SPIRE1: variants seen among roughly 807,000 people sequenced by gnomAD.
The protein encoded by SPIRE1 is spire type actin nucleation factor 1.
SPIRE1 carries 40 observed loss-of-function variants against 94.1 expected under a neutral mutation model. The observed-to-expected ratio is 0.43, with a 90% CI of 0.33 to 0.55. The LOEUF (loss-of-function observed/expected upper bound fraction) is 0.55. SPIRE1 is among the 20% of genes least tolerant of loss of function. The pLI is 0.06. For missense variants in SPIRE1, 838 were observed against 975.2 expected, an observed-to-expected ratio of 0.86 and a Z score of 1.87; for synonymous variants, 376 against 371.7, an observed-to-expected ratio of 1.01 and a Z score of -0.13.
intron 1 of SPIRE1, among the ~76,000 whole-genome samples, chr18:12,656,920 G>A (rs1345379894): frequency 6.6e-6 from 1 of 152,184 alleles, no homozygotes; most frequent in African/African-American, 2.4e-5. Flanking sequence ...ACGTCCAGGA[G>A]CCAAAAATCA....
At chr18:12,634,763 C>T (rs1235375991) in intron 2 of SPIRE1, among the ~76,000 whole-genome samples, 7 of 151,878 alleles carry the variant, frequency 4.6e-5, no homozygotes, top group African/African-American at 1.5e-4. Flanking sequence ...GGTGAAACCC[C>T]GTCTCTACTA....
In SPIRE1 at chr18:12,657,719, T is replaced by G; in HGVS notation, c.148A>C (p.Asn50His). ...LSLEEILRLY[N>H]QPINEEQAWA... ...GCCTGCTCCTCGTTGATGGGCTGGT[T>G]GTACAGCCGCAGGATCTCCTCCAGG... The change falls in exon 1 of 17, where the codon AAC (asparagine) becomes CAC (histidine). Residue 50 changes from asparagine to histidine, a missense_variant. Asn to His is a moderately conservative substitution (Grantham distance 68). Coordinates refer to ENST00000409402, the MANE Select transcript of SPIRE1 (RefSeq NM_001128626.2). 6 of 1,405,130 alleles carry G rather than the reference T, an allele frequency of 4.3e-6. No individual in the cohort carries two copies. The highest frequency in any genetic ancestry group is 5.6e-6 in the Non-Finnish European group (6 of 1,071,774). The allele number at this position is 1,405,130 out of a possible 1,614,324, so 87.0% of individuals were successfully genotyped here. A position where few individuals can be genotyped will look rare whatever the true frequency, so the allele number is the denominator to read the frequency against.
Position 12,633,493 on chromosome 18 carries a change from TTGAACC to T in SPIRE1, c.372+1563_372+1568del, listed in dbSNP as rs538315959. 1.8e-3 allele frequency among the ~76,000 whole-genome samples: 274 copies of T among 151,892 alleles called. 1 individual carries two copies. Among genetic ancestry groups the T allele is most frequent in the African/African-American group, 6.4e-3 (265 of 41,428 alleles). Reference sequence around the variant, plus strand: ...CGGGAAGCTGAGGCAGGAGAATCACTTGAACCTGGGAGGTGGAGGTTGCAGTGAGCC... The same window carrying T: ...CGGGAAGCTGAGGCAGGAGAATCACTTGGGAGGTGGAGGTTGCAGTGAGCC... On this transcript the variant is annotated intron_variant, in intron 2 of 16. Coordinates refer to ENST00000409402, the MANE Select transcript of SPIRE1 (RefSeq NM_001128626.2).
At chr18:12,490,939 C>A (rs2033211547) in intron 8 of SPIRE1, among the ~76,000 whole-genome samples, 1 of 151,438 alleles carries the variant, frequency 6.6e-6, no homozygotes. Context: ...AGCAGTTAGG[C>A]AAAAAAAGAA....
intron 2 of SPIRE1, among the ~76,000 whole-genome samples, chr18:12,555,826 CAGA>C (rs768671747): frequency 2.3e-4 from 35 of 152,234 alleles, no homozygotes; most frequent in Non-Finnish European, 4.0e-4. Context: ...CTAGAGCAAT[CAGA>C]CAACAGAAAG....
At chr18:12,524,682 A>G (rs2034453278) in intron 4 of SPIRE1, among the ~76,000 whole-genome samples, 1 of 152,180 alleles carries the variant, frequency 6.6e-6, no homozygotes, top group Admixed American at 6.5e-5. Flanking sequence ...TACACATTAA[A>G]GTAATAACAG....
At chr18:12,509,496 T>A (rs1370192425) in intron 5 of SPIRE1, among the ~76,000 whole-genome samples, 1 of 152,234 alleles carries the variant, frequency 6.6e-6, no homozygotes, top group Admixed American at 6.5e-5. Flanking sequence ...GTATTCTTCA[T>A]AAAGGAAAAT....
intron 3 of SPIRE1, among the ~76,000 whole-genome samples, chr18:12,541,698 AGT>A (rs1376528882): frequency 6.6e-6 from 1 of 152,108 alleles, no homozygotes; most frequent in Non-Finnish European, 1.5e-5. Flanking sequence ...TCCTATTTAT[AGT>A]GTCTACTCAG....
intron 2 of SPIRE1, among the ~76,000 whole-genome samples, chr18:12,585,069 G>C (rs1217709778): frequency 6.6e-6 from 1 of 152,144 alleles, no homozygotes; most frequent in Non-Finnish European, 1.5e-5. Context: ...TTCCCAAAGT[G>C]CTGGGATTAC....
At chr18:12,548,343 C>G (rs1295269023) in intron 2 of SPIRE1, among the ~76,000 whole-genome samples, 1 of 152,138 alleles carries the variant, frequency 6.6e-6, no homozygotes, top group Non-Finnish European at 1.5e-5. Flanking sequence ...GAGTTAAATA[C>G]AAGAGAGTCA....
chr18:12,651,961 A>G (rs1007453488), intron 1 of SPIRE1, among the ~76,000 whole-genome samples: 1 of 152,220 alleles, frequency 6.6e-6, no homozygotes, highest in African/African-American at 2.4e-5. Flanking sequence ...GATTATTTTA[A>G]ATCAACATAT....
At chr18:12,560,561 G>T (rs1186897190) in intron 2 of SPIRE1, among the ~76,000 whole-genome samples, 1 of 152,176 alleles carries the variant, frequency 6.6e-6, no homozygotes, top group Non-Finnish European at 1.5e-5. Flanking sequence ...GGAGATAGCA[G>T]AAGGAAAGGC....
intron 4 of SPIRE1, among the ~76,000 whole-genome samples, chr18:12,517,592 G>A (rs1265292155): frequency 2.0e-5 from 3 of 152,074 alleles, no homozygotes; most frequent in Non-Finnish European, 4.4e-5. Context: ...CTTGAGATAT[G>A]GTGAGAAAGT....
intron 2 of SPIRE1, among the ~76,000 whole-genome samples, chr18:12,601,667 C>T (rs186445923): frequency 4.3e-4 from 65 of 152,278 alleles, no homozygotes; most frequent in Admixed American, 7.8e-4. Flanking sequence ...AAATCACTCA[C>T]GTACTTTCCG....
At chr18:12,488,455 T>C (rs1242697246) in intron 8 of SPIRE1, among the ~76,000 whole-genome samples, 1 of 152,144 alleles carries the variant, frequency 6.6e-6, no homozygotes, top group African/African-American at 2.4e-5. Flanking sequence ...TCAGGCACAA[T>C]GTCTCTCTAG....
At chr18:12,543,683 C>T (rs1461482544) in intron 3 of SPIRE1, among the ~76,000 whole-genome samples, 1 of 152,144 alleles carries the variant, frequency 6.6e-6, no homozygotes. Flanking sequence ...CTATCCGGGA[C>T]AAAAGTTACA....
At chr18:12,473,999 A>G (rs894754787) in intron 10 of SPIRE1, among the ~76,000 whole-genome samples, 1 of 152,268 alleles carries the variant, frequency 6.6e-6, no homozygotes, top group Non-Finnish European at 1.5e-5. Context: ...AGTTTACCAT[A>G]CAGTAGGTAT....
intron 6 of SPIRE1, 55 bp from the exon 7 acceptor site, chr18:12,496,157 T>G: frequency 2.5e-6 from 3 of 1,219,200 alleles, no homozygotes; most frequent in Non-Finnish European, 3.6e-6. Flanking sequence ...CTATCATGAA[T>G]TTCTGGGTAT....
intron 2 of SPIRE1, among the ~76,000 whole-genome samples, chr18:12,607,382 T>C (rs560269251): frequency 2.0e-5 from 3 of 152,268 alleles, no homozygotes; most frequent in South Asian, 4.1e-4. Context: ...GTTATGGGAA[T>C]CAACAAAACC....
Sources: allele counts gnomAD v4.1 joint callset (sites outside exome capture counted in the v4.1 genomes callset), GRCh38; gene constraint gnomAD v4.1.1; transcripts MANE v1.5; gene names NCBI Gene and HGNC (gene_info 2026-07-23, HGNC 2026-07-21).